The following THRAP3 variants were observed in gnomAD, a reference collection of about 807,000 sequenced individuals.
The protein encoded by THRAP3 is thyroid hormone receptor-associated protein 3.
THRAP3 carries 16 observed loss-of-function variants against 101.0 expected under a neutral mutation model. The ratio of observed to expected loss-of-function variants is 0.16; its 90% CI spans 0.11 to 0.24. The LOEUF is 0.24. Among genes scored for constraint, THRAP3 ranks in the 10% least tolerant of loss-of-function variants. The pLI, the probability that THRAP3 is intolerant of heterozygous loss-of-function variation, is 1.00. For synonymous variants in THRAP3, 407 were observed against 422.6 expected (o/e 0.96, Z 0.45); for missense variants, 989 against 1,202.7 (o/e 0.82, Z 2.63).
intron 2 of THRAP3, among the ~76,000 whole-genome samples, chr1:36,263,097 A>G (rs1177109785): frequency 6.9e-6 from 1 of 144,756 alleles, no homozygotes; most frequent in East Asian, 2.1e-4. Context: ...GGCGTGAGCC[A>G]CTGCACCCGG....
chr1:36,255,106 A>G (rs1056027759), intron 1 of THRAP3, among the ~76,000 whole-genome samples: 1 of 151,988 alleles, frequency 6.6e-6, no homozygotes, highest in Non-Finnish European at 1.5e-5. Context: ...TACAGTGGGG[A>G]ATTGCTGAGA....
At chr1:36,256,999 G>GT (rs1285877005) in intron 1 of THRAP3, among the ~76,000 whole-genome samples, 1 of 152,058 alleles carries the variant, frequency 6.6e-6, no homozygotes, top group African/African-American at 2.4e-5. Context: ...GTTTCTCCAT[G>GT]TTGGTCAGGC....
In THRAP3 at chr1:36,300,946, C is replaced by G; in HGVS notation, c.2364C>G (p.His788Gln). 1.9e-6 allele frequency: 3 copies of G among 1,614,096 alleles called. No individual in the cohort carries two copies. Among genetic ancestry groups the G allele is most frequent in the Non-Finnish European group, 2.5e-6 (3 of 1,180,016 alleles). The part of the protein sequence containing the change: ...RSSSSSSQSS[H>Q]SYKAEEYTEE... Reference sequence around the variant, plus strand: ...CCTCCTCTTCCTCCCAGTCATCTCACTCCTACAAAGCAGAAGAGTACACTG... The same window carrying G: ...CCTCCTCTTCCTCCCAGTCATCTCAGTCCTACAAAGCAGAAGAGTACACTG... The change falls in exon 10 of 12, where the codon CAC becomes CAG. Residue 788 changes from histidine to glutamine, a missense_variant. Physicochemically the swap from His to Gln is conservative, Grantham distance 24. Transcript: ENST00000354618.
chr1:36,291,871 TG>T (rs1179908206), intron 6 of THRAP3, among the ~76,000 whole-genome samples: 4 of 152,360 alleles, frequency 2.6e-5, no homozygotes, highest in African/African-American at 9.6e-5. Context: ...TGATCTCTTA[TG>T]GACCTTCTGG....
chr1:36,290,368 T>C (rs1319924364), intron 5 of THRAP3, among the ~76,000 whole-genome samples: 1 of 151,886 alleles, frequency 6.6e-6, no homozygotes, highest in East Asian at 1.9e-4. Context: ...TTCTTGTATT[T>C]TTAGTAGAGA....
chr1:36,293,088 A>G (rs3007204), intron 7 of THRAP3, among the ~76,000 whole-genome samples: 142,412 of 145,408 alleles, frequency 0.98, 69,803 homozygotes, highest in Middle Eastern at 1. Context: ...GAGTGCAGTG[A>G]TGCAATCTCG....
chr1:36,298,228 T>C (rs1259170535), intron 9 of THRAP3, among the ~76,000 whole-genome samples: 1 of 151,272 alleles, frequency 6.6e-6, no homozygotes, highest in Non-Finnish European at 1.5e-5. Context: ...CCCATTCCAA[T>C]GTGTTACTTA....
intron 1 of THRAP3, among the ~76,000 whole-genome samples, chr1:36,227,660 A>G (rs1236944184): frequency 6.6e-6 from 1 of 152,128 alleles, no homozygotes; most frequent in East Asian, 1.9e-4. Flanking sequence ...AGTATGGAAA[A>G]TGGATTGTGA....
intron 1 of THRAP3, among the ~76,000 whole-genome samples, chr1:36,228,527 G>C (rs773676865): frequency 6.6e-6 from 1 of 152,182 alleles, no homozygotes; most frequent in Non-Finnish European, 1.5e-5. Flanking sequence ...CCTAATTTTT[G>C]TATTTTTAGT....
At chr1:36,243,807 C>T (rs71627146) in intron 1 of THRAP3, among the ~76,000 whole-genome samples, 3 of 101,224 alleles carry the variant, frequency 3.0e-5, no homozygotes, top group African/African-American at 1.1e-4. Flanking sequence ...CCCGGACGGG[C>T]GGCTGGCCAG....
intron 1 of THRAP3, among the ~76,000 whole-genome samples, chr1:36,239,850 G>A (rs1184956900): frequency 2.0e-5 from 3 of 151,844 alleles, no homozygotes; most frequent in African/African-American, 7.3e-5. Flanking sequence ...TACTTTTTTC[G>A]TGGTAAAATA....
At chr1:36,220,683 G>C (rs1382403023), upstream of THRAP3, among the ~76,000 whole-genome samples, 1 of 152,148 alleles carries the variant, frequency 6.6e-6, no homozygotes, top group Non-Finnish European at 1.5e-5. Context: ...GCTGGGCACA[G>C]TGGCTCACGC....
intron 11 of THRAP3, among the ~76,000 whole-genome samples, chr1:36,302,996 A>AGT (rs1646049183): frequency 6.6e-6 from 1 of 151,984 alleles, no homozygotes; most frequent in Admixed American, 6.6e-5. Context: ...GAGCATTTGG[A>AGT]GTGCAGTGGT....
intron 9 of THRAP3, among the ~76,000 whole-genome samples, chr1:36,299,796 A>T (rs1269736414): frequency 6.6e-6 from 1 of 152,212 alleles, no homozygotes; most frequent in Admixed American, 6.5e-5. Context: ...GGAGAGAGCC[A>T]CTACGCCCGG....
intron 8 of THRAP3, chr1:36,294,218 A>G: frequency 8.4e-7 from 1 of 1,183,660 alleles, no homozygotes; most frequent in Non-Finnish European, 1.0e-6. Context: ...GAGAGAAGAA[A>G]CTTTTTGTGA....
intron 2 of THRAP3, among the ~76,000 whole-genome samples, chr1:36,264,094 C>CT (rs1283119494): frequency 1.3e-5 from 2 of 152,220 alleles, no homozygotes; most frequent in Admixed American, 6.6e-5. Flanking sequence ...GAGTCTCGCT[C>CT]TGTCGCCCAG....
chr1:36,240,188 A>G lies in THRAP3; in HGVS notation c.-135+15683A>G, dbSNP rs116458769. Among the ~76,000 whole-genome samples, 949 of 152,306 alleles carry G rather than the reference A, an allele frequency of 6.2e-3. 11 individuals carry two copies. Among genetic ancestry groups the G allele is most frequent in the African/African-American group, 0.022 (900 of 41,562 alleles). On this transcript the variant is annotated intron_variant, in intron 1 of 11. Transcript: ENST00000354618. ...ATTGGCTCTCACAGTTACAGGGTGA[A>G]GTTCCATGATAGGCTGTCTGCAAGC... is the stretch of plus-strand genomic sequence containing the variant.
At chr1:36,227,988 G>C (rs1644981354) in intron 1 of THRAP3, among the ~76,000 whole-genome samples, 1 of 151,204 alleles carries the variant, frequency 6.6e-6, no homozygotes. Flanking sequence ...CGATTCTCCT[G>C]CCTCAGCCTC....
chr1:36,282,498 T>C, intron 2 of THRAP3, 35 bp from the exon 3 acceptor site: 2 of 1,492,644 alleles, frequency 1.3e-6, no homozygotes, highest in Non-Finnish European at 1.8e-6. Context: ...GCAAAGGAAC[T>C]CACTCATTTG....
Sources: gnomAD v4.1 joint callset for allele counts (sites outside exome capture counted in the v4.1 genomes callset) on GRCh38, gnomAD v4.1.1 for gene constraint, MANE v1.5 for transcripts, NCBI Gene and HGNC (gene_info 2026-07-23, HGNC 2026-07-21) for gene names.